The following GABRA2 variants were observed in gnomAD, a reference collection of about 807,000 sequenced individuals.
GABRA2 encodes gamma-aminobutyric acid receptor subunit alpha-2.
In GABRA2, 16 loss-of-function variants were observed where a neutral mutation model predicts 48.7. That is an observed-to-expected ratio of 0.33 (90% CI 0.22 to 0.50). The LOEUF is 0.50. Among genes scored for constraint, GABRA2 ranks in the 20% least tolerant of loss-of-function variants. GABRA2 has a pLI of 0.98. For synonymous variants in GABRA2, 185 were observed against 184.5 expected, an observed-to-expected ratio of 1.00 and a Z score of -0.02; for missense variants, 275 against 535.6, an observed-to-expected ratio of 0.51 and a Z score of 4.80.
intron 3 of GABRA2, among the ~76,000 whole-genome samples, chr4:46,373,545 A>T (rs1490681698): frequency 1.3e-5 from 2 of 152,176 alleles, no homozygotes; most frequent in Non-Finnish European, 2.9e-5. Flanking sequence ...TATAATTATT[A>T]CTAATAATAT....
At chr4:46,372,052 G>T (rs79854595) in intron 3 of GABRA2, among the ~76,000 whole-genome samples, 11 of 152,150 alleles carry the variant, frequency 7.2e-5, no homozygotes, top group African/African-American at 2.7e-4. Flanking sequence ...ATCAACATAT[G>T]CATGTTAATA....
chr4:46,283,354 G>A (rs1038159475), intron 8 of GABRA2, among the ~76,000 whole-genome samples: 14 of 151,962 alleles, frequency 9.2e-5, no homozygotes, highest in Non-Finnish European at 1.3e-4. Flanking sequence ...TGTAACCCAC[G>A]AATTAAGCAA....
Position 46,250,268 on chromosome 4 carries a change from T to A in GABRA2, c.*40A>T, listed in dbSNP as rs1196827055. 3 of 1,554,016 alleles carry A rather than the reference T, an allele frequency of 1.9e-6. No homozygotes were observed. The South Asian group carries it at 3.6e-5, about 19-fold the overall frequency. On this transcript the variant is annotated 3_prime_UTR_variant, in exon 10 of 10. Transcript: ENST00000381620. ...TGTACATAGCAAAACAAACCAAATT[T>A]AATGTTGCTATACATCCCAAAGATA...
chr4:46,364,600 C>T (rs1174733979), intron 3 of GABRA2: 1 of 152,216 alleles, frequency 6.6e-6, no homozygotes, highest in African/African-American at 2.4e-5. Flanking sequence ...TTCCTTGCAG[C>T]TGTAGAATTA....
At chr4:46,284,962 T>A (rs1267836588) in intron 8 of GABRA2, among the ~76,000 whole-genome samples, 1 of 145,416 alleles carries the variant, frequency 6.9e-6, no homozygotes, top group East Asian at 2.0e-4. Flanking sequence ...GTGAGAAATT[T>A]AAAGAAGGTA....
At chr4:46,342,220 C>T (rs941478847) in intron 3 of GABRA2, among the ~76,000 whole-genome samples, 2 of 152,068 alleles carry the variant, frequency 1.3e-5, no homozygotes, top group African/African-American at 2.4e-5. Flanking sequence ...CTTGTAAATG[C>T]TCCTCAAATT....
rs561332036 is a variant in GABRA2, at chr4:46,254,155, C to G, written c.1060-3551G>C. ...CCAGGAGGTATTACATGGCCCTATT[C>G]ACTATTGACTGCTATTAAAAATAAC... is the stretch of plus-strand genomic sequence containing the variant. On this transcript the variant is annotated intron_variant, in intron 9 of 9. Transcript: ENST00000381620. Among the ~76,000 whole-genome samples the G allele has an allele frequency of 3.3e-5, 5 of 151,572 alleles. No homozygotes were observed. In the East Asian group the frequency reaches 9.8e-4, roughly 30 times the overall value.
Position 46,301,583 on chromosome 4 carries a change from C to A in GABRA2, c.856+1877G>T, listed in dbSNP as rs1725740580. On this transcript the variant is annotated intron_variant, in intron 8 of 9. Transcript: ENST00000381620. ...TCATCCCTTAATGTCACTGCACAAT[C>A]TATTCTTTTGAGCTAGGATTCTTGC... Among the ~76,000 whole-genome samples the A allele has an allele frequency of 2.6e-5, 4 of 152,142 alleles. No homozygotes were observed. The South Asian group carries it at 8.3e-4, about 32-fold the overall frequency.
intron 3 of GABRA2, among the ~76,000 whole-genome samples, chr4:46,383,031 G>A (rs960757137): frequency 2.0e-5 from 3 of 152,018 alleles, no homozygotes; most frequent in Non-Finnish European, 4.4e-5. Flanking sequence ...TATTTGAAAC[G>A]ACATGTGTGC....
chr4:46,335,663 G>T (rs141173287), intron 3 of GABRA2, among the ~76,000 whole-genome samples: 5 of 152,130 alleles, frequency 3.3e-5, no homozygotes, highest in African/African-American at 9.6e-5. Flanking sequence ...TAGAGATGGG[G>T]TTTCACCATG....
chr4:46,331,902 G>A (rs961769409), intron 4 of GABRA2, among the ~76,000 whole-genome samples: 5 of 151,800 alleles, frequency 3.3e-5, no homozygotes, highest in African/African-American at 1.2e-4. Context: ...TGATATTTTT[G>A]GGTAAACATG....
intron 3 of GABRA2, among the ~76,000 whole-genome samples, chr4:46,382,406 G>C (rs541473680): frequency 6.6e-6 from 1 of 152,056 alleles, no homozygotes; most frequent in African/African-American, 2.4e-5. Flanking sequence ...TCAAAGAGCA[G>C]GAAGGAAGCT....
intron 4 of GABRA2, among the ~76,000 whole-genome samples, chr4:46,313,570 T>TCG (rs1728043342): frequency 6.9e-6 from 1 of 144,128 alleles, no homozygotes; most frequent in Admixed American, 6.8e-5. Flanking sequence ...ACTCTGTTTC[T>TCG]CTCTCTCTCT....
chr4:46,365,609 T>C (rs1479212049), intron 3 of GABRA2: 1 of 152,148 alleles, frequency 6.6e-6, no homozygotes, highest in Admixed American at 6.6e-5. Context: ...ATAATTTCAT[T>C]ACTCTTTGTA....
At chr4:46,262,322 C>A (rs1406784657) in intron 8 of GABRA2, among the ~76,000 whole-genome samples, 194 bp from the exon 9 acceptor site, 1 of 151,818 alleles carries the variant, frequency 6.6e-6, no homozygotes, top group East Asian at 1.9e-4. Flanking sequence ...TATGATATTT[C>A]GTGATGTAAT....
At chr4:46,265,575 T>C (rs971984550) in intron 8 of GABRA2, among the ~76,000 whole-genome samples, 8 of 150,230 alleles carry the variant, frequency 5.3e-5, no homozygotes, top group Non-Finnish European at 1.2e-4. Context: ...TTTCTCTTTT[T>C]TTCTTGGTCA....
chr4:46,289,388 G>A (rs1168302325), intron 8 of GABRA2, among the ~76,000 whole-genome samples: 6 of 152,156 alleles, frequency 3.9e-5, no homozygotes, highest in African/African-American at 1.2e-4. Flanking sequence ...ATGAGATCAC[G>A]TCCTTTGCAG....
In GABRA2 at chr4:46,248,605, T is replaced by C. The variant is rs963725955; in HGVS notation, c.*1703A>G. Reference sequence around the variant, plus strand: ...ATGCAAAGCATATAATAGAATCACATGGAAACAAAGAAATTTTAAAAATTA... The same window carrying C: ...ATGCAAAGCATATAATAGAATCACACGGAAACAAAGAAATTTTAAAAATTA... On this transcript the variant is annotated 3_prime_UTR_variant, in exon 10 of 10. Coordinates refer to ENST00000381620, the MANE Select transcript of GABRA2 (RefSeq NM_000807.4). The C allele has an allele frequency of 6.6e-6, 1 of 151,382 alleles. No individual in the cohort carries two copies. Among genetic ancestry groups the C allele is most frequent in the Non-Finnish European group, 1.5e-5 (1 of 67,582 alleles). The allele number at this position is 151,382 out of a possible 1,614,324, so 9.4% of individuals were successfully genotyped here. A position where few individuals can be genotyped will look rare whatever the true frequency, so the allele number is the denominator to read the frequency against.
chr4:46,379,160 C>T (rs1309836294), intron 3 of GABRA2, among the ~76,000 whole-genome samples: 1 of 152,192 alleles, frequency 6.6e-6, no homozygotes, highest in African/African-American at 2.4e-5. Context: ...AGTCATGCCT[C>T]AAAATATTAA....
Sources: gnomAD v4.1 joint callset for allele counts (sites outside exome capture counted in the v4.1 genomes callset) on GRCh38, gnomAD v4.1.1 for gene constraint, MANE v1.5 for transcripts, NCBI Gene and HGNC (gene_info 2026-07-23, HGNC 2026-07-21) for gene names.